The following GSE1 variants were observed in gnomAD, a reference collection of about 807,000 sequenced individuals.
GSE1 encodes Gse1 coiled-coil protein, also known as genetic suppressor element 1.
Under a neutral mutation model 112.6 loss-of-function variants are expected in GSE1, and 32 were observed. That is an observed-to-expected ratio of 0.28 (90% CI 0.21 to 0.38). GSE1 has a LOEUF of 0.38. Ranked by LOEUF, GSE1 falls within the 10% of genes least tolerant of loss-of-function variation. GSE1 has a pLI of 1.00. For missense variants in GSE1, 2,348 were observed against 1,699.2 expected (o/e 1.38, Z -6.71); for synonymous variants, 1,115 against 735.6 (o/e 1.52, Z -8.35).
intron 1 of GSE1, among the ~76,000 whole-genome samples, chr16:85,347,805 C>G (rs1023593194): frequency 2.0e-5 from 3 of 152,142 alleles, no homozygotes; most frequent in African/African-American, 7.2e-5. Context: ...CCACAAGCTT[C>G]CGCTCTAGGA....
chr16:85,205,423 C>T (rs1350640904), intron 1 of GSE1, among the ~76,000 whole-genome samples: 3 of 152,324 alleles, frequency 2.0e-5, no homozygotes, highest in Admixed American at 6.5e-5. Flanking sequence ...TGAGCCACCG[C>T]GCCCAGCCTT....
chr16:85,418,211 G>T (rs981742896), intron 2 of GSE1, among the ~76,000 whole-genome samples: 5 of 152,262 alleles, frequency 3.3e-5, no homozygotes, highest in Non-Finnish European at 7.3e-5. Context: ...ACGGAGGCAG[G>T]TTGGGGAAAT....
At chr16:85,497,644 T>C (rs1042640382) in intron 2 of GSE1, among the ~76,000 whole-genome samples, 3 of 152,210 alleles carry the variant, frequency 2.0e-5, no homozygotes, top group African/African-American at 7.2e-5. Context: ...TGGCGTGAAC[T>C]TACACCTTTG....
At chr16:85,316,650 G>C (rs2045991620) in intron 1 of GSE1, among the ~76,000 whole-genome samples, 1 of 152,206 alleles carries the variant, frequency 6.6e-6, no homozygotes, top group South Asian at 2.1e-4. Context: ...CACCTGCAAG[G>C]ACAGCAGACG....
intron 2 of GSE1, among the ~76,000 whole-genome samples, chr16:85,550,650 G>A (rs905110675): frequency 3.3e-5 from 5 of 152,136 alleles, no homozygotes; most frequent in Admixed American, 2.6e-4. Context: ...GCACCCCGCC[G>A]CCTGCACTCC....
At chr16:85,175,998 T>A (rs928339902) in intron 1 of GSE1, among the ~76,000 whole-genome samples, 1 of 152,168 alleles carries the variant, frequency 6.6e-6, no homozygotes, top group Non-Finnish European at 1.5e-5. Context: ...GCTTCTTTTC[T>A]TTTGTTTTGA....
intron 2 of GSE1, among the ~76,000 whole-genome samples, chr16:85,481,964 T>C (rs1040725877): frequency 6.6e-6 from 1 of 152,220 alleles, no homozygotes; most frequent in African/African-American, 2.4e-5. Context: ...CTCAAGGCCC[T>C]GGGGGCAGGG....
chr16:85,246,230 C>CACAA lies in GSE1; in HGVS notation c.2283+74426_2283+74427insAACA, dbSNP rs1269739818. 2.1e-5 allele frequency among the ~76,000 whole-genome samples: 3 copies of CACAA among 143,940 alleles called. No individual in the cohort carries two copies. In the East Asian group the frequency reaches 6.2e-4, roughly 30 times the overall value. 94.4% of individuals were successfully genotyped at this position (143,940 alleles called of 152,430 possible). A position where few individuals can be genotyped will look rare whatever the true frequency, so the allele number is the denominator to read the frequency against. ...ACACACACACACACACACACACACACACACACACGCACACCACACGCTGTC... is the reference window on the plus strand; with the variant it reads ...ACACACACACACACACACACACACACACAAACACACACGCACACCACACGCTGTC... On this transcript the variant is annotated intron_variant, in intron 1 of 2. Transcript: ENST00000637419.
chr16:85,453,312 G>A (rs542684709), intron 2 of GSE1, among the ~76,000 whole-genome samples: 26 of 152,308 alleles, frequency 1.7e-4, no homozygotes, highest in African/African-American at 3.6e-4. Flanking sequence ...TTCCCTCCGC[G>A]GAGGCTGGGC....
intron 1 of GSE1, among the ~76,000 whole-genome samples, chr16:85,177,246 C>T (rs1242076228): frequency 6.6e-6 from 1 of 152,232 alleles, no homozygotes; most frequent in Non-Finnish European, 1.5e-5. Context: ...GCTTAGATCT[C>T]TCAGGATCTC....
intron 1 of GSE1, among the ~76,000 whole-genome samples, chr16:85,241,289 G>T (rs991479745): frequency 1.3e-5 from 2 of 152,218 alleles, no homozygotes; most frequent in African/African-American, 4.8e-5. Context: ...CTGTGGTGAG[G>T]AGTCGGTGCT....
rs774751000 is a variant in GSE1, at chr16:85,663,086, C to T, written c.2366C>T (p.Ser789Phe). 4 of 1,602,954 alleles carry T rather than the reference C, an allele frequency of 2.5e-6. No individual in the cohort carries two copies. Among genetic ancestry groups the T allele is most frequent in the Admixed American group, 1.7e-5 (1 of 59,986 alleles). The change falls in exon 10 of 16, where the codon TCC (serine) becomes TTC (phenylalanine). Residue 789 changes from serine to phenylalanine, a missense_variant. Physicochemically the swap from Ser to Phe is radical, Grantham distance 155. Transcript: ENST00000253458. ...AEQPPLKLDT[S>F]SEKLEFLQLF... ...CAGCCGCCCCTCAAACTGGACACGT[C>T]CTCTGAGGTACTGGGCTCTCCTCCC...
intron 1 of GSE1, among the ~76,000 whole-genome samples, chr16:85,600,195 G>A (rs1369429446): frequency 2.6e-5 from 4 of 152,340 alleles, no homozygotes; most frequent in Non-Finnish European, 5.9e-5. Flanking sequence ...GGTTATTCAC[G>A]GGAACACTCA....
chr16:85,255,304 G>A (rs942315475), intron 1 of GSE1, among the ~76,000 whole-genome samples: 2 of 152,178 alleles, frequency 1.3e-5, no homozygotes, highest in Admixed American at 6.5e-5. Context: ...CCCAGCTGCC[G>A]GCCCAGCCTG....
At chr16:85,279,937 C>A (rs956767288) in intron 1 of GSE1, among the ~76,000 whole-genome samples, 3 of 152,162 alleles carry the variant, frequency 2.0e-5, no homozygotes, top group African/African-American at 7.2e-5. Flanking sequence ...TAAGTGTGAG[C>A]GGTGACTCCA....
intron 2 of GSE1, among the ~76,000 whole-genome samples, chr16:85,484,521 C>G (rs1029325336): frequency 1.3e-5 from 2 of 152,346 alleles, no homozygotes; most frequent in East Asian, 1.9e-4. Context: ...CCTTGAGTGA[C>G]GAAGCCAGGG....
chr16:85,499,269 T>G (rs1289611352), intron 2 of GSE1, among the ~76,000 whole-genome samples: 1 of 146,404 alleles, frequency 6.8e-6, no homozygotes, highest in Non-Finnish European at 1.5e-5. Flanking sequence ...GCCTGCCAGC[T>G]GTCAGAGAGA....
intron 2 of GSE1, among the ~76,000 whole-genome samples, chr16:85,471,153 C>G (rs1453183164): frequency 2.6e-5 from 4 of 152,148 alleles, no homozygotes; most frequent in African/African-American, 7.2e-5. Context: ...TGCTCTCAGC[C>G]CGACCCCTGC....
intron 1 of GSE1, among the ~76,000 whole-genome samples, chr16:85,279,187 AG>A (rs777919318): frequency 1.6e-4 from 24 of 152,180 alleles, no homozygotes; most frequent in Non-Finnish European, 2.6e-4. Flanking sequence ...AATAGTGGGG[AG>A]GGGGGAGGAG....
Sources: gnomAD v4.1 joint callset for allele counts (sites outside exome capture counted in the v4.1 genomes callset) on GRCh38, gnomAD v4.1.1 for gene constraint, MANE v1.5 for transcripts, NCBI Gene and HGNC (gene_info 2026-07-23, HGNC 2026-07-21) for gene names.